RBPMS: variants seen among roughly 807,000 people sequenced by gnomAD.
RBPMS encodes the protein RNA-binding protein with multiple splicing.
RBPMS carries 7 observed loss-of-function variants against 26.8 expected under a neutral mutation model. The observed-to-expected ratio is 0.26, with a 90% confidence interval of 0.15 to 0.49. The LOEUF is 0.49. Among genes scored for constraint, RBPMS ranks in the 20% least tolerant of loss-of-function variants. The probability of loss-of-function intolerance (pLI) is 0.98; values close to 1 mark genes in which losing one functional copy is unlikely to be tolerated. For synonymous variants in RBPMS, 96 were observed against 93.3 expected (o/e 1.03, Z -0.17); for missense variants, 186 against 250.0 (o/e 0.74, Z 1.73).
At chr8:30,530,947 C>T (rs1824156675) in intron 5 of RBPMS, among the ~76,000 whole-genome samples, 2 of 152,084 alleles carry the variant, frequency 1.3e-5, no homozygotes, top group Admixed American at 1.3e-4. Context: ...ATACCAATCC[C>T]TCATGCAAAC....
chr8:30,542,391 T>C (rs1428355752), intron 5 of RBPMS, among the ~76,000 whole-genome samples: 1 of 152,164 alleles, frequency 6.6e-6, no homozygotes, highest in Non-Finnish European at 1.5e-5. Context: ...GGATCAGATA[T>C]CTTAAAGGAC....
At chr8:30,561,608 C>T (rs1402066082) in intron 7 of RBPMS, among the ~76,000 whole-genome samples, 1 of 152,232 alleles carries the variant, frequency 6.6e-6, no homozygotes, top group Admixed American at 6.5e-5. Flanking sequence ...TTGCCAAGCA[C>T]ATCTGAGAGC....
chr8:30,524,330 A>G (rs929380887), intron 5 of RBPMS, among the ~76,000 whole-genome samples: 1 of 152,156 alleles, frequency 6.6e-6, no homozygotes, highest in Non-Finnish European at 1.5e-5. Context: ...TAATTTGCCA[A>G]ACAGTGCTGT....
intron 4 of RBPMS, among the ~76,000 whole-genome samples, chr8:30,502,706 A>G (rs1176592803): frequency 6.6e-6 from 1 of 152,160 alleles, no homozygotes; most frequent in Non-Finnish European, 1.5e-5. Flanking sequence ...GGAAATATTA[A>G]TTCTGTTGTA....
At chr8:30,421,556 A>G (rs1015781570) in intron 1 of RBPMS, among the ~76,000 whole-genome samples, 1 of 152,190 alleles carries the variant, frequency 6.6e-6, no homozygotes, top group Non-Finnish European at 1.5e-5. Flanking sequence ...AAACATGACA[A>G]ATTATTTTTT....
intron 8 of RBPMS, among the ~76,000 whole-genome samples, chr8:30,568,681 C>T (rs1321945217): frequency 6.6e-6 from 1 of 152,186 alleles, no homozygotes; most frequent in Non-Finnish European, 1.5e-5. Context: ...CTTATGCGTT[C>T]CCAACCCTGA....
intron 1 of RBPMS, among the ~76,000 whole-genome samples, chr8:30,462,195 A>C (rs1213320129): frequency 6.6e-6 from 1 of 152,146 alleles, no homozygotes; most frequent in South Asian, 2.1e-4. Flanking sequence ...CCTGTTTTCT[A>C]GTGTGGTTGT....
chr8:30,555,877 C>T, intron 6 of RBPMS: 1 of 985,438 alleles, frequency 1.0e-6, no homozygotes, highest in Non-Finnish European at 1.2e-6. Flanking sequence ...TCATTACCCC[C>T]ACACAGTGAT....
At chr8:30,431,481 C>A (rs1161731947) in intron 1 of RBPMS, among the ~76,000 whole-genome samples, 2 of 151,356 alleles carry the variant, frequency 1.3e-5, no homozygotes, top group Non-Finnish European at 2.9e-5. Context: ...GAGACGGACT[C>A]TCTCATTCTG....
At chr8:30,463,024 C>T (rs1425300095) in intron 1 of RBPMS, among the ~76,000 whole-genome samples, 1 of 152,182 alleles carries the variant, frequency 6.6e-6, no homozygotes, top group African/African-American at 2.4e-5. Context: ...CTTACTTTCT[C>T]TCTTGCCCAC....
intron 5 of RBPMS, among the ~76,000 whole-genome samples, chr8:30,511,484 AAAATATATATAT>A (rs1230584446): frequency 0.05 from 306 of 6,130 alleles, 9 homozygotes; most frequent in East Asian, 0.3. Flanking sequence ...AAAAAAAAAA[AAAATATATATAT>A]ATATATATAT....
At chr8:30,470,739 A>G (rs1816998941) in intron 1 of RBPMS, among the ~76,000 whole-genome samples, 1 of 152,190 alleles carries the variant, frequency 6.6e-6, no homozygotes, top group Non-Finnish European at 1.5e-5. Flanking sequence ...TGTTTAAATA[A>G]AATGCCAAAC....
intron 4 of RBPMS, among the ~76,000 whole-genome samples, chr8:30,484,744 T>C (rs1195203946): frequency 6.6e-6 from 1 of 152,202 alleles, no homozygotes; most frequent in Non-Finnish European, 1.5e-5. Context: ...TAGTGTCAGA[T>C]GTTGAAAAAA....
intron 1 of RBPMS, among the ~76,000 whole-genome samples, chr8:30,395,403 G>A (rs114859606): frequency 3.0e-4 from 14 of 46,540 alleles, no homozygotes; most frequent in African/African-American, 2.1e-3. Context: ...AGGTCGAGGC[G>A]GCTGTGAGCC....
intron 2 of RBPMS, among the ~76,000 whole-genome samples, chr8:30,475,302 T>C (rs1817570749): frequency 6.6e-6 from 1 of 152,198 alleles, no homozygotes; most frequent in African/African-American, 2.4e-5. Context: ...GTCCTTCCTA[T>C]GGAAATAAGA....
At chr8:30,518,167 C>T (rs1480441774) in intron 5 of RBPMS, among the ~76,000 whole-genome samples, 3 of 152,138 alleles carry the variant, frequency 2.0e-5, no homozygotes, top group African/African-American at 4.8e-5. Flanking sequence ...AGTATGGAGA[C>T]GTTTCTTGTG....
At chr8:30,568,130 AT>A (rs1828023777) in intron 8 of RBPMS, among the ~76,000 whole-genome samples, 3 of 152,296 alleles carry the variant, frequency 2.0e-5, no homozygotes, top group Admixed American at 2.0e-4. Context: ...TCAGTACCTG[AT>A]TTTTTGAAGA....
Position 30,384,852 on chromosome 8 carries a change from C to T in RBPMS, c.-241C>T. 3 of 333,162 alleles carry T rather than the reference C, an allele frequency of 9.0e-6. No homozygotes were observed. The highest frequency in any genetic ancestry group is 1.1e-5 in the Non-Finnish European group (2 of 185,530). The allele number at this position is 333,162 out of a possible 1,614,324, so 20.6% of individuals were successfully genotyped here. On this transcript the variant is annotated 5_prime_UTR_variant, in exon 1 of 9. Transcript: ENST00000397323. The surrounding 1 kb of genome is among the most constrained non-coding windows in gnomAD (Gnocchi z 5.6). ...TCGGTGCCCCGCTCCCGGCCCGCGC[C>T]CTGCCCCGTCTCTCCCTTGCACTTC... is the stretch of plus-strand genomic sequence containing the variant.
At chr8:30,452,197 T>G (rs1814666562) in intron 1 of RBPMS, among the ~76,000 whole-genome samples, 1 of 152,160 alleles carries the variant, frequency 6.6e-6, no homozygotes, top group Non-Finnish European at 1.5e-5. Flanking sequence ...TCATCAGTCC[T>G]TAGTTAAGAA....
Sources: allele counts gnomAD v4.1 joint callset (sites outside exome capture counted in the v4.1 genomes callset), GRCh38; gene constraint gnomAD v4.1.1; non-coding constraint Gnocchi (gnomAD v3.1); transcripts MANE v1.5; gene names NCBI Gene and HGNC (gene_info 2026-07-23, HGNC 2026-07-21).